The following SESTD1 variants were observed in gnomAD, a reference collection of about 807,000 sequenced individuals.
The protein encoded by SESTD1 is SEC14 domain and spectrin repeat-containing protein 1.
SESTD1 carries 43 observed loss-of-function variants against 101.7 expected under a neutral mutation model. The ratio of observed to expected loss-of-function variants is 0.42; its 90% CI spans 0.33 to 0.55. The LOEUF (loss-of-function observed/expected upper bound fraction) is 0.55, where lower values mean the gene tolerates loss of function less well. SESTD1 is among the 20% of genes least tolerant of loss of function. SESTD1 has a pLI of 0.07. For synonymous variants in SESTD1, 283 were observed against 286.8 expected, an observed-to-expected ratio of 0.99 and a Z score of 0.13; for missense variants, 647 against 815.1, an observed-to-expected ratio of 0.79 and a Z score of 2.51.
rs958557494 is a variant in SESTD1 at position 179,156,509 on chromosome 2, A to T, written c.370-5118T>A. On this transcript the variant is annotated intron_variant, in intron 5 of 17. Transcript: ENST00000428443. ...ACGCCAACATCTGTTTTTTGATTAT[A>T]GCCATTCTTGCAGGAGTTAAGGTGG... 3.9e-5 allele frequency among the ~76,000 whole-genome samples: 6 copies of T among 152,152 alleles called. No homozygotes were observed. The East Asian group carries it at 1.2e-3, about 29-fold the overall frequency.
At chr2:179,140,397 C>G (rs974740062) in intron 9 of SESTD1, among the ~76,000 whole-genome samples, 4 of 152,066 alleles carry the variant, frequency 2.6e-5, no homozygotes, top group Admixed American at 2.6e-4. Context: ...TGGACACAGA[C>G]ACATACAGAG....
intron 1 of SESTD1, among the ~76,000 whole-genome samples, chr2:179,263,562 GAAGT>G (rs1202275089): frequency 2.0e-5 from 3 of 152,240 alleles, no homozygotes; most frequent in Non-Finnish European, 2.9e-5. Context: ...AGCAAAACGT[GAAGT>G]AAGAGACGAC....
chr2:179,118,495 T>G (rs2044681710), intron 13 of SESTD1, among the ~76,000 whole-genome samples: 1 of 152,188 alleles, frequency 6.6e-6, no homozygotes, highest in African/African-American at 2.4e-5. Flanking sequence ...TGCTCTACTA[T>G]ACTTGATGTC....
In SESTD1 at chr2:179,176,493, T is replaced by C; in HGVS notation, c.210A>G (p.Arg70=). 6.2e-7 allele frequency: 1 copy of C among 1,613,668 alleles called. No individual in the cohort carries two copies. The change falls in exon 4 of 18, where the codon AGA becomes AGG. Residue 70 remains arginine, a synonymous_variant. Coordinates refer to ENST00000428443, the MANE Select transcript of SESTD1 (RefSeq NM_178123.5). ...ARGFTVIVDG[R]KSQWNVVKTV... ...TTTTCACCACATTCCACTGTGATTT[T>C]CTGCCATCCACAATCACGGTAAATC...
rs950732042 is a variant in SESTD1 at position 179,121,893 on chromosome 2, C to T, written c.1319G>A (p.Gly440Asp). The T allele has an allele frequency of 6.2e-7, 1 of 1,607,216 alleles. No individual in the cohort carries two copies. Among genetic ancestry groups the T allele is most frequent in the Non-Finnish European group, 8.5e-7 (1 of 1,177,510 alleles). ...GLQGLREKGQ[G>D]LLDQISNQAS... ...CTGATTGGAGATCTGATCCAGGAGA[C>T]CTTGACCTTTTTCACGCAAACCTTG... is the stretch of plus-strand genomic sequence containing the variant. The change falls in exon 13 of 18, where the codon GGT becomes GAT. Residue 440 changes from glycine to aspartate, a missense_variant. Physicochemically the swap from Gly to Asp is moderately conservative, Grantham distance 94 (BLOSUM62 -1). Around this residue, in one of 3 missense-constraint regions of SESTD1, gnomAD observed 476 missense variants for 562.6 expected, o/e 0.85. Transcript: ENST00000428443.
intron 9 of SESTD1, among the ~76,000 whole-genome samples, chr2:179,136,078 TAAAG>T (rs2045136417): frequency 6.6e-6 from 1 of 152,186 alleles, no homozygotes; most frequent in South Asian, 2.1e-4. Flanking sequence ...CAGTGCGATA[TAAAG>T]AAAGCCCTAG....
chr2:179,243,637 G>A (rs1027151761), intron 1 of SESTD1, among the ~76,000 whole-genome samples: 1 of 151,944 alleles, frequency 6.6e-6, no homozygotes, highest in Admixed American at 6.6e-5. Flanking sequence ...GGACATCATC[G>A]TAAGTGAATT....
chr2:179,143,584 A>C lies in SESTD1; in HGVS notation c.849+8T>G. ...AAAGAGTTAAATATATTCAAATCAG[A>C]CACCTACCTGCATTACCTTCTGTTG... On this transcript the variant is annotated splice_region_variant and intron_variant, in intron 9 of 17. Transcript: ENST00000428443. The C allele has an allele frequency of 6.2e-7, 1 of 1,612,578 alleles. No homozygotes were observed. The highest frequency in any genetic ancestry group is 8.5e-7 in the Non-Finnish European group (1 of 1,178,756).
rs188982529 is a variant in SESTD1, at chr2:179,208,408, T to C, written c.-25-16542A>G. Among the ~76,000 whole-genome samples the C allele has an allele frequency of 1.4e-3, 186 of 134,562 alleles. 41 individuals are homozygous for C. The highest frequency in any genetic ancestry group is 5.3e-3 in the African/African-American group (180 of 34,158). 88.3% of individuals were successfully genotyped at this position (134,562 alleles called of 152,430 possible). The stretch of plus-strand genomic sequence containing the variant: ...AATTCTTTGCAAAAAGATAATCACC[T>C]AGGCACATAGTTTTCAGGATATCTA... On this transcript the variant is annotated intron_variant, in intron 1 of 17. Coordinates refer to ENST00000428443, the MANE Select transcript of SESTD1 (RefSeq NM_178123.5).
At chr2:179,259,689 TC>T (rs962640783) in intron 1 of SESTD1, among the ~76,000 whole-genome samples, 1 of 152,068 alleles carries the variant, frequency 6.6e-6, no homozygotes, top group African/African-American at 2.4e-5. Context: ...TTAATAGAAC[TC>T]AACATCTCAG....
In SESTD1 at chr2:179,172,192, C is replaced by T; in HGVS notation, c.297G>A (p.Lys99=). 6.2e-7 allele frequency: 1 copy of T among 1,609,294 alleles called. No individual in the cohort carries two copies. Among genetic ancestry groups the T allele is most frequent in the Non-Finnish European group, 8.5e-7 (1 of 1,176,996 alleles). The change falls in exon 5 of 18, where the codon AAG becomes AAA. Residue 99 remains lysine, a synonymous_variant. Coordinates refer to ENST00000428443, the MANE Select transcript of SESTD1 (RefSeq NM_178123.5). ...CTTTCTTATCCCAGAATTCATCTGG[C>T]TTTACCACACAAACAAGGGACACCT... is the stretch of plus-strand genomic sequence containing the variant. ...PAEVSLVCVV[K]PDEFWDKKVT... is the part of the protein sequence containing the mutation.
At chr2:179,141,389 T>C (rs1362699582) in intron 9 of SESTD1, among the ~76,000 whole-genome samples, 1 of 152,196 alleles carries the variant, frequency 6.6e-6, no homozygotes, top group South Asian at 2.1e-4. Flanking sequence ...GCACCTGGCA[T>C]AGCTGCAATT....
Position 179,115,032 on chromosome 2 carries a change from A to C in SESTD1, c.1839+33T>G. The C allele has an allele frequency of 2.5e-6, 4 of 1,579,822 alleles. No homozygotes were observed. The South Asian group carries it at 4.6e-5, about 18-fold the overall frequency. ...ATTTTAAACACATATAATCAATACC[A>C]CTGAGAATAACATTTCAAAAACACA... On this transcript the variant is annotated intron_variant, in intron 16 of 17. Transcript: ENST00000428443.
intron 2 of SESTD1, among the ~76,000 whole-genome samples, chr2:179,184,367 A>C (rs1245210121): frequency 6.6e-6 from 1 of 152,226 alleles, no homozygotes; most frequent in East Asian, 1.9e-4. Context: ...AAAAAGACTC[A>C]TATTAGTGAC....
intron 13 of SESTD1, among the ~76,000 whole-genome samples, chr2:179,120,484 C>A (rs1378765732): frequency 1.3e-5 from 2 of 152,146 alleles, no homozygotes; most frequent in East Asian, 1.9e-4. Context: ...TCAGAACAAA[C>A]CCTGGAAGCA....
chr2:179,143,509 G>C, intron 9 of SESTD1, 83 bp downstream of exon 9: 1 of 1,186,166 alleles, frequency 8.4e-7, no homozygotes, highest in East Asian at 2.4e-5. Context: ...TCTATATAGT[G>C]TATATAAGAC....
At chr2:179,200,340 T>C (rs1183861317) in intron 1 of SESTD1, among the ~76,000 whole-genome samples, 1 of 152,072 alleles carries the variant, frequency 6.6e-6, no homozygotes, top group East Asian at 1.9e-4. Context: ...AAAATGGCCA[T>C]ACTGCCCAAG....
At chr2:179,120,958 G>A (rs1026315285) in intron 13 of SESTD1, among the ~76,000 whole-genome samples, 1 of 151,878 alleles carries the variant, frequency 6.6e-6, no homozygotes, top group Non-Finnish European at 1.5e-5. Flanking sequence ...ATGGAGTTAG[G>A]AGTCAGGAGG....
chr2:179,200,056 T>C (rs2046481471), intron 1 of SESTD1, among the ~76,000 whole-genome samples: 1 of 152,214 alleles, frequency 6.6e-6, no homozygotes, highest in African/African-American at 2.4e-5. Context: ...CCGCTTAAGC[T>C]GATAAGCAAC....
Sources: allele counts gnomAD v4.1 joint callset (sites outside exome capture counted in the v4.1 genomes callset), GRCh38; gene constraint gnomAD v4.1.1; regional missense constraint gnomAD v4.1.1; transcripts MANE v1.5; gene names NCBI Gene and HGNC (gene_info 2026-07-23, HGNC 2026-07-21).